The following COL6A5 variants were observed in gnomAD, a reference collection of about 807,000 sequenced individuals.
COL6A5 encodes collagen type VI alpha 5 chain.
Under a neutral mutation model 65.6 loss-of-function variants are expected in COL6A5, and 48 were observed. The observed-to-expected ratio is 0.73, with a 90% CI of 0.58 to 0.93. The LOEUF is 0.93. COL6A5 is among the 40% of genes least tolerant of loss of function. The pLI is 0.00. For missense variants in COL6A5, 914 were observed against 928.3 expected (o/e 0.98, Z 0.20); for synonymous variants, 291 against 322.8 (o/e 0.90, Z 1.05).
intron 1 of COL6A5, among the ~76,000 whole-genome samples, chr3:130,355,890 T>C (rs1934907672): frequency 6.6e-6 from 1 of 151,926 alleles, no homozygotes; most frequent in Non-Finnish European, 1.5e-5. Flanking sequence ...CTATCTACAA[T>C]AGATACAACC....
At chr3:130,359,106 G>C (rs552305853) in intron 1 of COL6A5, among the ~76,000 whole-genome samples, 5 of 152,178 alleles carry the variant, frequency 3.3e-5, no homozygotes, top group South Asian at 4.2e-4. Context: ...CAATTTTTAA[G>C]GACTTTCAAA....
intron 5 of COL6A5, among the ~76,000 whole-genome samples, chr3:130,385,885 T>C (rs1390606233): frequency 6.6e-6 from 1 of 152,014 alleles, no homozygotes; most frequent in Non-Finnish European, 1.5e-5. Flanking sequence ...GCACCATAAA[T>C]GCCAACCATT....
chr3:130,475,285 A>G (rs1710065846), intron 7 of COL6A5, among the ~76,000 whole-genome samples: 1 of 151,896 alleles, frequency 6.6e-6, no homozygotes, highest in African/African-American at 2.4e-5. Flanking sequence ...TACAGATTTT[A>G]AAAGCTAAAA....
chr3:130,476,763 C>T (rs149669096), intron 7 of COL6A5: 10 of 513,312 alleles, frequency 1.9e-5, no homozygotes, highest in East Asian at 4.6e-5. Flanking sequence ...ATCAAGTGTG[C>T]GTCTTTGTTG....
rs200034785 is a variant in COL6A5 at position 130,423,751 on chromosome 3, T to A, written c.5101-87T>A. On this transcript the variant is annotated intron_variant and NMD_transcript_variant, in intron 28 of 41. Transcript: ENST00000312481. ...GCTGCTATCTTTTTAAAATTTTTTT[T>A]AAAATTAGAAAGTCTTATCGAAACT... 1.3e-5 allele frequency: 12 copies of A among 942,848 alleles called. No individual in the cohort carries two copies. The South Asian group carries it at 2.1e-4, about 16-fold the overall frequency. The allele number at this position is 942,848 out of a possible 1,614,324, so 58.4% of individuals were successfully genotyped here.
At chr3:130,446,608 G>A (rs1337677578) in intron 4 of COL6A5, among the ~76,000 whole-genome samples, 18 of 152,118 alleles carry the variant, frequency 1.2e-4, no homozygotes. Context: ...GCCTGTTTCT[G>A]TGGAGTCGGC....
At chr3:130,381,384 T>C (rs956134990) in intron 4 of COL6A5, among the ~76,000 whole-genome samples, 10 of 152,252 alleles carry the variant, frequency 6.6e-5, no homozygotes, top group African/African-American at 2.4e-4. Flanking sequence ...TATACCATAT[T>C]TTTTAAAACA....
intron 4 of COL6A5, among the ~76,000 whole-genome samples, chr3:130,443,887 G>T (rs149843625): frequency 6.6e-6 from 1 of 152,180 alleles, no homozygotes; most frequent in Non-Finnish European, 1.5e-5. Context: ...CCAACCATGA[G>T]TTCTGGTCAC....
At chr3:130,360,582 T>C (rs1388067154) in intron 1 of COL6A5, among the ~76,000 whole-genome samples, 3 of 152,142 alleles carry the variant, frequency 2.0e-5, no homozygotes, top group African/African-American at 7.2e-5. Context: ...AAGCAGTCCA[T>C]GCAGCCACGA....
At position 130,418,893 on chromosome 3, in the gene COL6A5, C is replaced by G. The variant is rs1444476592; in HGVS notation, c.4912C>G (p.Leu1638Val). Residue 1638 changes from leucine (L) to valine (V), a missense_variant and NMD_transcript_variant, in exon 25 of 42, where the codon CTA becomes GTA. By Grantham distance (32) the Leu-to-Val change is conservative (BLOSUM62 1). Transcript: ENST00000312481. Reference sequence around the variant, plus strand: ...GGGAGAGCCTGGACTTCCTGGAGATCTAGGGCCAGTGGGGCAAACTGGGCA... The same window carrying G: ...GGGAGAGCCTGGACTTCCTGGAGATGTAGGGCCAGTGGGGCAAACTGGGCA... 6.4e-6 allele frequency: 10 copies of G among 1,550,680 alleles called. No individual in the cohort carries two copies. The highest frequency in any genetic ancestry group is 2.4e-5 in the South Asian group (2 of 84,034).
exon 2 of COL6A5, chr3:130,439,611 C>T (rs1709124811): frequency 6.5e-7 from 1 of 1,549,362 alleles, no homozygotes; most frequent in Non-Finnish European, 8.7e-7. Flanking sequence ...GTGCACTTTG[C>T]TATGGTAAGA....
exon 6 of COL6A5, chr3:130,468,893 G>C (rs1709880336): frequency 1.2e-6 from 2 of 1,611,992 alleles, no homozygotes; most frequent in Non-Finnish European, 1.7e-6. Context: ...TTTCCTCATA[G>C]ATGCTTCCCA....
intron 5 of COL6A5, among the ~76,000 whole-genome samples, chr3:130,462,732 A>G (rs1373886855): frequency 2.0e-5 from 3 of 152,086 alleles, no homozygotes; most frequent in East Asian, 1.9e-4. Context: ...TACAAATTGC[A>G]TTTAGTTCGT....
exon 4 of COL6A5, chr3:130,379,696 G>T: frequency 2.6e-6 from 4 of 1,551,398 alleles, no homozygotes; most frequent in Non-Finnish European, 3.5e-6. Flanking sequence ...CAATACAGGG[G>T]CTGCCATTGA....
intron 6 of COL6A5, among the ~76,000 whole-genome samples, chr3:130,470,556 T>A (rs867551616): frequency 5.3e-5 from 8 of 151,970 alleles, no homozygotes; most frequent in African/African-American, 1.4e-4. Context: ...AAACATTTTT[T>A]AAAAAATAGT....
At chr3:130,427,568 G>A (rs1215835532), upstream of COL6A5, among the ~76,000 whole-genome samples, 1 of 152,070 alleles carries the variant, frequency 6.6e-6, no homozygotes, top group Non-Finnish European at 1.5e-5. Context: ...AGGGGTAGAG[G>A]AATCTTGTGT....
At chr3:130,346,294 TG>T (rs1468596431) in intron 1 of COL6A5, among the ~76,000 whole-genome samples, 1 of 152,122 alleles carries the variant, frequency 6.6e-6, no homozygotes, top group Non-Finnish European at 1.5e-5. Context: ...TCTCTGGGAA[TG>T]GGGATAAGGA....
rs191818236 is a variant in COL6A5 at position 130,371,708 on chromosome 3, A to G, written c.-28-1903A>G. Among the ~76,000 whole-genome samples, 122 of 152,336 alleles carry G rather than the reference A, an allele frequency of 8.0e-4. 1 individual carries two copies. In the East Asian group the frequency reaches 0.021, roughly 26 times the overall value. ...GGGTTAAAGAACTAAATGCAAGGCT[A>G]AACTATAAAATGCTTAGAAGAAAAC... On this transcript the variant is annotated intron_variant and NMD_transcript_variant, in intron 1 of 41. Coordinates refer to the COL6A5 transcript ENST00000312481.
intron 5 of COL6A5, 115 bp from the exon 38 acceptor site, chr3:130,468,680 T>C: frequency 1.4e-6 from 1 of 697,462 alleles, no homozygotes. Context: ...ATGTCTGCCA[T>C]GAGTATGGAA....
Sources: gnomAD v4.1 joint callset for allele counts (sites outside exome capture counted in the v4.1 genomes callset) on GRCh38, gnomAD v4.1.1 for gene constraint, MANE v1.5 for transcripts, NCBI Gene and HGNC (gene_info 2026-07-23, HGNC 2026-07-21) for gene names.